The following STPG2 variants were observed in gnomAD, a reference collection of about 807,000 sequenced individuals.
STPG2 encodes sperm-tail PG-rich repeat-containing protein 2.
In STPG2, 56 loss-of-function variants were observed where a neutral mutation model predicts 54.2. That is an observed-to-expected ratio of 1.03 (90% CI 0.83 to 1.29). STPG2 has a LOEUF of 1.29. Among genes scored for constraint, STPG2 ranks in the 50% most tolerant of loss-of-function variants. The pLI, the probability that STPG2 is intolerant of heterozygous loss-of-function variation, is 0.00. For synonymous variants in STPG2, 200 were observed against 181.8 expected, an observed-to-expected ratio of 1.10 and a Z score of -0.81; for missense variants, 596 against 544.9, an observed-to-expected ratio of 1.09 and a Z score of -0.93.
intron 4 of STPG2, among the ~76,000 whole-genome samples, chr4:97,450,459 T>C (rs1729336888): frequency 6.6e-6 from 1 of 151,956 alleles, no homozygotes; most frequent in Admixed American, 6.6e-5. Context: ...CAAGAAGAGG[T>C]ACATGGAGAC....
chr4:97,871,142 A>C (rs1244017885), intron 8 of STPG2, among the ~76,000 whole-genome samples: 4 of 151,030 alleles, frequency 2.6e-5, no homozygotes, highest in African/African-American at 9.7e-5. Context: ...ACTACCTTAT[A>C]ATGTATGGAA....
chr4:97,922,011 G>A (rs113771046), intron 8 of STPG2, among the ~76,000 whole-genome samples: 1,829 of 152,232 alleles, frequency 0.012, 31 homozygotes, highest in African/African-American at 0.042. Context: ...TGGTTTCCAG[G>A]AGCTGGAGGG....
chr4:97,599,201 C>G (rs952289212), intron 10 of STPG2, among the ~76,000 whole-genome samples: 3 of 152,126 alleles, frequency 2.0e-5, no homozygotes, highest in African/African-American at 7.2e-5. Context: ...AAACCACCAT[C>G]TCACACCAGT....
At chr4:97,507,036 G>A (rs1348167212) in intron 4 of STPG2, among the ~76,000 whole-genome samples, 4 of 151,588 alleles carry the variant, frequency 2.6e-5, no homozygotes, top group African/African-American at 9.7e-5. Context: ...TTAAAGATAA[G>A]GACATAGGAC....
chr4:97,850,804 C>T (rs1437850396), intron 8 of STPG2, among the ~76,000 whole-genome samples: 4 of 152,040 alleles, frequency 2.6e-5, no homozygotes, highest in African/African-American at 7.2e-5. Flanking sequence ...AAAGTAGTTG[C>T]TTTACTTGGG....
At chr4:97,907,238 G>A (rs1313126539) in intron 8 of STPG2, among the ~76,000 whole-genome samples, 4 of 150,766 alleles carry the variant, frequency 2.7e-5, no homozygotes, top group Non-Finnish European at 6.0e-5. Context: ...CAAACAGAGA[G>A]CCAAATCATG....
chr4:98,093,443 A>G (rs1361549864), intron 5 of STPG2, among the ~76,000 whole-genome samples: 11 of 152,350 alleles, frequency 7.2e-5, no homozygotes, highest in Admixed American at 3.9e-4. Flanking sequence ...TTTTGTTGCA[A>G]TATCAGAAAA....
At chr4:97,922,882 TATAAC>T (rs144954346) in intron 8 of STPG2, among the ~76,000 whole-genome samples, 19,307 of 152,158 alleles carry the variant, frequency 0.13, 1,854 homozygotes, top group African/African-American at 0.26. Context: ...TATGAAACTT[TATAAC>T]ATGAGTATTT....
At chr4:97,471,521 C>T (rs1729928152) in intron 4 of STPG2, among the ~76,000 whole-genome samples, 2 of 152,028 alleles carry the variant, frequency 1.3e-5, no homozygotes, top group African/African-American at 4.8e-5. Flanking sequence ...ACATGGTATA[C>T]ATTTTATCTG....
intron 4 of STPG2, among the ~76,000 whole-genome samples, chr4:97,525,770 A>T (rs1386921070): frequency 6.6e-6 from 1 of 152,030 alleles, no homozygotes; most frequent in African/African-American, 2.4e-5. Flanking sequence ...ATATTCAAAA[A>T]AAGAAAGAAA....
At chr4:97,748,560 C>A (rs1253136402) in intron 9 of STPG2, among the ~76,000 whole-genome samples, 3 of 151,456 alleles carry the variant, frequency 2.0e-5, no homozygotes, top group Non-Finnish European at 3.0e-5. Context: ...CTAAATGTAT[C>A]AGGGACCAAC....
At chr4:97,698,151 T>G (rs1055205765) in intron 10 of STPG2, among the ~76,000 whole-genome samples, 2 of 152,070 alleles carry the variant, frequency 1.3e-5, no homozygotes, top group Non-Finnish European at 1.5e-5. Flanking sequence ...AGCAAGAACC[T>G]CAGCAGGTCG....
intron 8 of STPG2, among the ~76,000 whole-genome samples, chr4:97,909,764 T>G (rs978989878): frequency 2.4e-4 from 36 of 152,114 alleles, no homozygotes; most frequent in Non-Finnish European, 1.0e-4. Context: ...ATATAACACT[T>G]GATAAACTAG....
At chr4:97,981,054 C>T in intron 6 of STPG2, 105 bp downstream of exon 6, 2 of 1,247,642 alleles carry the variant, frequency 1.6e-6, no homozygotes, top group Non-Finnish European at 2.2e-6. Flanking sequence ...TGACACCAAC[C>T]ATAGGACAAA....
chr4:97,986,202 C>G (rs868204609), intron 5 of STPG2, among the ~76,000 whole-genome samples: 3 of 152,116 alleles, frequency 2.0e-5, no homozygotes, highest in Non-Finnish European at 4.4e-5. Context: ...TCAAAGTAGT[C>G]GTCTATAGTC....
At chr4:97,514,150 T>C (rs1475566092) in intron 4 of STPG2, among the ~76,000 whole-genome samples, 2 of 152,118 alleles carry the variant, frequency 1.3e-5, no homozygotes, top group Non-Finnish European at 2.9e-5. Flanking sequence ...CTCTAAGGCC[T>C]GGCCATGAGG....
At chr4:97,540,148 G>A (rs190388019) in intron 4 of STPG2, among the ~76,000 whole-genome samples, 6 of 152,212 alleles carry the variant, frequency 3.9e-5, no homozygotes, top group Non-Finnish European at 8.8e-5. Context: ...GAAGGAGACA[G>A]AGACAAAAAA....
chr4:97,704,089 C>T (rs61012000), intron 10 of STPG2, among the ~76,000 whole-genome samples: 17,853 of 151,974 alleles, frequency 0.12, 3,088 homozygotes, highest in African/African-American at 0.38. Flanking sequence ...CCCAGATTAA[C>T]GGTGGGTCTG....
intron 4 of STPG2, among the ~76,000 whole-genome samples, chr4:97,441,979 A>G (rs1428725065): frequency 6.6e-6 from 1 of 152,098 alleles, no homozygotes; most frequent in East Asian, 1.9e-4. Context: ...AATATTTTAT[A>G]ACAAATTTAG....
Sources: allele counts gnomAD v4.1 joint callset (sites outside exome capture counted in the v4.1 genomes callset), GRCh38; gene constraint gnomAD v4.1.1; transcripts MANE v1.5; gene names NCBI Gene and HGNC (gene_info 2026-07-23, HGNC 2026-07-21).